The following LTN1 variants were observed in gnomAD, a reference collection of about 807,000 sequenced individuals.
LTN1 encodes the protein listerin E3 ubiquitin protein ligase 1, also known as E3 ubiquitin-protein ligase listerin.
LTN1 carries 88 observed loss-of-function variants against 201.2 expected under a neutral mutation model. The observed-to-expected ratio is 0.44, with a 90% CI of 0.37 to 0.52. LTN1 has a LOEUF of 0.52. LTN1 is among the 20% of genes least tolerant of loss of function. The probability of loss-of-function intolerance (pLI) is 0.00; values close to 1 mark genes in which losing one functional copy is unlikely to be tolerated. For missense variants in LTN1, 1,752 were observed against 2,038.7 expected (o/e 0.86, Z 2.71); for synonymous variants, 645 against 713.5 (o/e 0.90, Z 1.53).
chr21:28,969,866 T>A (rs76951384), intron 8 of LTN1, among the ~76,000 whole-genome samples: 2 of 152,168 alleles, frequency 1.3e-5, no homozygotes, highest in East Asian at 3.9e-4. Flanking sequence ...TCTTTTTTTT[T>A]AGAAATAGGG....
At chr21:28,980,223 C>T (rs1231070276) in intron 6 of LTN1, among the ~76,000 whole-genome samples, 1 of 151,752 alleles carries the variant, frequency 6.6e-6, no homozygotes, top group African/African-American at 2.4e-5. Flanking sequence ...TCTATTGTAT[C>T]TAGGCACAAG....
intron 6 of LTN1, among the ~76,000 whole-genome samples, chr21:28,974,619 G>T (rs2084600875): frequency 6.6e-6 from 1 of 152,140 alleles, no homozygotes; most frequent in Non-Finnish European, 1.5e-5. Flanking sequence ...ACATCTTTCT[G>T]GCCAGAGGAA....
At chr21:28,946,866 C>T (rs866951629) in intron 19 of LTN1, among the ~76,000 whole-genome samples, 2 of 152,112 alleles carry the variant, frequency 1.3e-5, no homozygotes, top group African/African-American at 4.8e-5. Context: ...TTTTTGTGTA[C>T]CTGGAATGCC....
chr21:28,975,151 C>G (rs1441408775), intron 6 of LTN1, among the ~76,000 whole-genome samples: 1 of 151,930 alleles, frequency 6.6e-6, no homozygotes, highest in Non-Finnish European at 1.5e-5. Flanking sequence ...CCAAGATGAC[C>G]CAGACGTTAT....
chr21:28,970,021 C>T (rs561303144), intron 8 of LTN1, among the ~76,000 whole-genome samples: 8 of 151,708 alleles, frequency 5.3e-5, no homozygotes, highest in East Asian at 1.9e-4. Context: ...CCTGCAAATT[C>T]GAGATAACTT....
At chr21:28,949,078 C>T (rs960347955) in intron 18 of LTN1, among the ~76,000 whole-genome samples, 2 of 152,186 alleles carry the variant, frequency 1.3e-5, no homozygotes, top group Non-Finnish European at 2.9e-5. Flanking sequence ...AAAACCATTG[C>T]TCTTAATTTG....
At position 28,944,473 on chromosome 21, in the gene LTN1, T is replaced by C. The variant is rs764564530; in HGVS notation, c.3892A>G (p.Asn1298Asp). 4.3e-6 allele frequency: 7 copies of C among 1,613,988 alleles called. No homozygotes were observed. Among genetic ancestry groups the C allele is most frequent in the Non-Finnish European group, 4.2e-6 (5 of 1,179,904 alleles). The change falls in exon 22 of 30, where the codon AAT becomes GAT. Residue 1298 changes from asparagine (N) to aspartate (D), a missense_variant. Coordinates refer to ENST00000361371, the MANE Select transcript of LTN1 (RefSeq NM_015565.3). The stretch of plus-strand genomic sequence containing the variant: ...TCACTGATTAGATTTACAGGAAGAT[T>C]GCCAATGGTATCCAGAGTTGTGGAA... The part of the protein sequence containing the change: ...FDSTTLDTIG[N>D]LPVNLISEWK...
chr21:28,972,059 A>G (rs1326137847), intron 6 of LTN1, among the ~76,000 whole-genome samples: 1 of 152,214 alleles, frequency 6.6e-6, no homozygotes, highest in Non-Finnish European at 1.5e-5. Flanking sequence ...TTAAGAAGCG[A>G]GGACTCTAGG....
In LTN1 at chr21:28,953,220, T is replaced by C; in HGVS notation, c.3236A>G (p.Asn1079Ser). The C allele has an allele frequency of 6.4e-7, 1 of 1,563,930 alleles. No homozygotes were observed. Among genetic ancestry groups the C allele is most frequent in the Non-Finnish European group, 8.6e-7 (1 of 1,162,078 alleles). The change falls in exon 17 of 30, where the codon AAC becomes AGC. Residue 1079 changes from asparagine to serine, a missense_variant. Physicochemically the swap from Asn to Ser is conservative, Grantham distance 46. Around this residue, in one of 3 missense-constraint regions of LTN1, gnomAD observed 1,211 missense variants for 1,312.8 expected, o/e 0.92. Transcript: ENST00000361371. Reference sequence around the variant, plus strand: ...ACAAATTGAAAGAGATTCTTACCTGTTAAATAACAGCTGCAAAAGGCCCGA... The same window carrying C: ...ACAAATTGAAAGAGATTCTTACCTGCTAAATAACAGCTGCAAAAGGCCCGA... The part of the protein sequence containing the change: ...NTSGLLQLLF[N>S]RSREHGTLWS...
intron 18 of LTN1, among the ~76,000 whole-genome samples, chr21:28,951,907 G>C (rs2705637): frequency 1 from 152,281 of 152,282 alleles, 76,140 homozygotes; most frequent in Non-Finnish European, 1. Context: ...GAGGTTGAGG[G>C]TACAGTGAGC....
intron 28 of LTN1, 116 bp downstream of exon 28, chr21:28,932,354 A>T: frequency 2.4e-6 from 2 of 828,736 alleles, no homozygotes; most frequent in Non-Finnish European, 4.0e-6. Context: ...TTATCCAAGG[A>T]AGTTTAATAT....
rs781620075 is a variant in LTN1 at position 28,960,660 on chromosome 21, T to C, written c.2210A>G (p.Lys737Arg). The C allele has an allele frequency of 5.0e-6, 8 of 1,614,094 alleles. No homozygotes were observed. Among genetic ancestry groups the C allele is most frequent in the Non-Finnish European group, 6.8e-6 (8 of 1,179,982 alleles). The change falls in exon 12 of 30, where the codon AAA (lysine) becomes AGA (arginine). Residue 737 changes from lysine to arginine, a missense_variant. By Grantham distance (26) the Lys-to-Arg change is conservative (BLOSUM62 2). Transcript: ENST00000361371. The stretch of plus-strand genomic sequence containing the variant: ...CAATTTCTCACCAAGGATATCGCCT[T>C]TGAGCCAAGGAGTTACTAAAGCATG... ...DKHALVTPWL[K>R]GDILGEKLVN...
At chr21:28,963,398 T>G (rs1471333458) in intron 11 of LTN1, among the ~76,000 whole-genome samples, 1 of 152,246 alleles carries the variant, frequency 6.6e-6, no homozygotes, top group Non-Finnish European at 1.5e-5. Flanking sequence ...CTACTTTGCC[T>G]GTGCTCTATA....
chr21:28,958,787 T>C (rs1455171586), intron 13 of LTN1, among the ~76,000 whole-genome samples: 1 of 152,216 alleles, frequency 6.6e-6, no homozygotes, highest in Non-Finnish European at 1.5e-5. Flanking sequence ...TTTTTTATGC[T>C]TGAACTTATT....
chr21:28,969,072 T>G (rs944329449), intron 9 of LTN1, among the ~76,000 whole-genome samples: 16 of 151,826 alleles, frequency 1.1e-4, no homozygotes, highest in Non-Finnish European at 1.8e-4. Context: ...AATACAAAAA[T>G]TAGCTGGGTG....
In LTN1 at chr21:28,943,350, C is replaced by T. The variant is rs1434398843; in HGVS notation, c.4221-14G>A. 6.7e-7 allele frequency: 1 copy of T among 1,496,138 alleles called. No homozygotes were observed. The highest frequency in any genetic ancestry group is 1.8e-5 in the Admixed American group (1 of 57,090). The allele number at this position is 1,496,138 out of a possible 1,614,324, so 92.7% of individuals were successfully genotyped here. ...TCAGGCATCAATCTAGAAATTAGAA[C>T]ATTATTTTTAAATATGTGATATTAA... On this transcript the variant is annotated splice_polypyrimidine_tract_variant and intron_variant, in intron 23 of 29. Transcript: ENST00000361371.
intron 10 of LTN1, 65 bp from the exon 11 acceptor site, chr21:28,965,971 G>GC (rs5843357): frequency 1 from 1,080,198 of 1,080,212 alleles, 540,092 homozygotes; most frequent in Middle Eastern, 1. Flanking sequence ...ATGGGGTTTT[G>GC]TATGTTGCCC....
chr21:28,961,542 A>T (rs1249786717), intron 11 of LTN1: 1 of 162,226 alleles, frequency 6.2e-6, no homozygotes, highest in African/African-American at 2.4e-5. Context: ...ATCTGGAAGA[A>T]AAAAAAAAAT....
At chr21:28,954,592 C>A (rs1568842039) in intron 16 of LTN1, among the ~76,000 whole-genome samples, 1 of 152,146 alleles carries the variant, frequency 6.6e-6, no homozygotes, top group Non-Finnish European at 1.5e-5. Flanking sequence ...ACACACAGAC[C>A]AATGGAACAG....
Sources: allele counts gnomAD v4.1 joint callset (sites outside exome capture counted in the v4.1 genomes callset), GRCh38; gene constraint gnomAD v4.1.1; regional missense constraint gnomAD v4.1.1; transcripts MANE v1.5; gene names NCBI Gene and HGNC (gene_info 2026-07-23, HGNC 2026-07-21).